TRPM3: variants seen among roughly 807,000 people sequenced by gnomAD.
The protein encoded by TRPM3 is transient receptor potential cation channel subfamily M member 3, also known as long transient receptor potential channel 3.
A neutral mutation model predicts 181.2 loss-of-function variants in TRPM3; 77 were observed. That is an observed-to-expected ratio of 0.42 (90% confidence interval 0.35 to 0.51). TRPM3 has a LOEUF of 0.51. Ranked by LOEUF, TRPM3 falls within the 20% of genes least tolerant of loss-of-function variation. The pLI is 0.01. For synonymous variants in TRPM3, 745 were observed against 796.4 expected, an observed-to-expected ratio of 0.94 and a Z score of 1.09; for missense variants, 1,759 against 2,196.7, an observed-to-expected ratio of 0.80 and a Z score of 3.98.
At chr9:71,390,438 T>C (rs990430761) in intron 1 of TRPM3, among the ~76,000 whole-genome samples, 1 of 152,026 alleles carries the variant, frequency 6.6e-6, no homozygotes, top group African/African-American at 2.4e-5. Flanking sequence ...CATTAGTTAC[T>C]CGCAAATGTT....
rs950647292 is a variant in TRPM3 at position 70,621,208 on chromosome 9, A to C, written c.1839+36T>G. On this transcript the variant is annotated intron_variant, in intron 15 of 25. Coordinates refer to ENST00000677713, the MANE Select transcript of TRPM3 (RefSeq NM_001366145.2). Reference sequence around the variant, plus strand: ...ATATATAATGGGTAATAAAGAGAATAAATCATTGACACTAATAATTTGGAC... The same window carrying C: ...ATATATAATGGGTAATAAAGAGAATCAATCATTGACACTAATAATTTGGAC... 14 of 1,532,822 alleles carry C rather than the reference A, an allele frequency of 9.1e-6. No individual in the cohort carries two copies. The African/African-American group carries it at 1.7e-4, about 18-fold the overall frequency. The allele number at this position is 1,532,822 out of a possible 1,614,324, so 95.0% of individuals were successfully genotyped here.
chr9:71,168,510 C>CTTT (rs386415035), intron 1 of TRPM3, among the ~76,000 whole-genome samples: 1,317 of 90,578 alleles, frequency 0.015, 69 homozygotes, highest in African/African-American at 0.025. Context: ...TGACATTTTT[C>CTTT]TTTTTTTTTT....
chr9:71,383,015 G>T (rs998581147), intron 1 of TRPM3, among the ~76,000 whole-genome samples: 17 of 152,120 alleles, frequency 1.1e-4, no homozygotes, highest in Non-Finnish European at 2.5e-4. Context: ...CTAGGCGGAT[G>T]CTGGATAAAT....
At chr9:71,176,694 G>C (rs1274392033) in intron 1 of TRPM3, among the ~76,000 whole-genome samples, 1 of 152,044 alleles carries the variant, frequency 6.6e-6, no homozygotes, top group African/African-American at 2.4e-5. Context: ...CTCACCCAGA[G>C]CAACTTCCAG....
At chr9:71,181,703 G>T (rs905108396) in intron 1 of TRPM3, among the ~76,000 whole-genome samples, 2 of 151,996 alleles carry the variant, frequency 1.3e-5, no homozygotes, top group African/African-American at 4.8e-5. Context: ...CTGTCCTTTA[G>T]CAACAGAGAG....
chr9:70,947,949 A>G (rs2096953476), intron 1 of TRPM3, among the ~76,000 whole-genome samples: 1 of 152,182 alleles, frequency 6.6e-6, no homozygotes, highest in Non-Finnish European at 1.5e-5. Flanking sequence ...AGTTACTATT[A>G]TAAGATGTAT....
chr9:71,326,563 G>T (rs1050597244), intron 1 of TRPM3, among the ~76,000 whole-genome samples: 12 of 152,192 alleles, frequency 7.9e-5, no homozygotes, highest in Admixed American at 7.9e-4. Context: ...CTCATAAAAT[G>T]CAACTGGTAC....
At chr9:71,379,355 A>G (rs2092739385) in intron 1 of TRPM3, among the ~76,000 whole-genome samples, 1 of 152,086 alleles carries the variant, frequency 6.6e-6, no homozygotes, top group Non-Finnish European at 1.5e-5. Context: ...GTGAAAGCAT[A>G]CATTAGTTTT....
intron 1 of TRPM3, among the ~76,000 whole-genome samples, chr9:71,208,454 T>A (rs866442767): frequency 2.0e-4 from 31 of 152,208 alleles, no homozygotes; most frequent in Non-Finnish European, 1.5e-5. Flanking sequence ...ATGGAAAATA[T>A]TCCTGCAGTG....
intron 1 of TRPM3, among the ~76,000 whole-genome samples, chr9:70,956,000 G>T (rs1318347366): frequency 6.6e-6 from 1 of 152,074 alleles, no homozygotes; most frequent in Non-Finnish European, 1.5e-5. Context: ...ATTAGTTAGT[G>T]GTCTCATACC....
chr9:71,115,035 C>T (rs1260371021), intron 1 of TRPM3, among the ~76,000 whole-genome samples: 1 of 152,176 alleles, frequency 6.6e-6, no homozygotes, highest in African/African-American at 2.4e-5. Context: ...GGCAGCTGAA[C>T]TCAATTTACT....
intron 1 of TRPM3, among the ~76,000 whole-genome samples, chr9:70,958,707 C>T (rs989342312): frequency 3.3e-5 from 5 of 152,112 alleles, no homozygotes; most frequent in Non-Finnish European, 5.9e-5. Context: ...CACATGCACA[C>T]GTATGTTTAT....
intron 22 of TRPM3, among the ~76,000 whole-genome samples, chr9:70,586,466 G>T (rs1200155778): frequency 6.6e-6 from 1 of 152,208 alleles, no homozygotes; most frequent in Non-Finnish European, 1.5e-5. Context: ...AAACAAGTCA[G>T]GTGGGTATTC....
At chr9:71,429,924 C>T (rs2093930858) in intron 1 of TRPM3, among the ~76,000 whole-genome samples, 2 of 152,030 alleles carry the variant, frequency 1.3e-5, no homozygotes, top group Admixed American at 6.6e-5. Flanking sequence ...CATGGAATGT[C>T]CTTTCCCTCA....
At chr9:70,602,994 G>A (rs969939158) in intron 20 of TRPM3, among the ~76,000 whole-genome samples, 1 of 152,180 alleles carries the variant, frequency 6.6e-6, no homozygotes, top group African/African-American at 2.4e-5. Flanking sequence ...GACTGTGTCC[G>A]AAGACACCCA....
chr9:71,162,506 T>C (rs948771062), intron 1 of TRPM3, among the ~76,000 whole-genome samples: 1 of 152,132 alleles, frequency 6.6e-6, no homozygotes, highest in African/African-American at 2.4e-5. Flanking sequence ...TTTACATATA[T>C]AGCTTCATGC....
chr9:70,751,308 A>T (rs2076096670), intron 8 of TRPM3, among the ~76,000 whole-genome samples: 1 of 152,170 alleles, frequency 6.6e-6, no homozygotes, highest in African/African-American at 2.4e-5. Context: ...AATGAAATGC[A>T]AGACAAAGCA....
At chr9:71,078,298 T>G (rs1056009649) in intron 1 of TRPM3, among the ~76,000 whole-genome samples, 1 of 152,172 alleles carries the variant, frequency 6.6e-6, no homozygotes, top group African/African-American at 2.4e-5. Context: ...TTCTCCTAGG[T>G]ATAATTTTAT....
At position 71,036,930 on chromosome 9, in the gene TRPM3, C is replaced by A. The variant is rs545360372; in HGVS notation, c.177+84248G>T. ...TAAATTATGTGATATTTTGGACAAC[C>A]CACTACAACATGATTGTAGGCATTT... On this transcript the variant is annotated intron_variant, in intron 1 of 25. Transcript: ENST00000677713. Among the ~76,000 whole-genome samples, 9 of 152,120 alleles carry A rather than the reference C, an allele frequency of 5.9e-5. 1 individual carries two copies. Among genetic ancestry groups the A allele is most frequent in the Admixed American group, 2.6e-4 (4 of 15,272 alleles).
Sources: gnomAD v4.1 joint callset for allele counts (sites outside exome capture counted in the v4.1 genomes callset) on GRCh38, gnomAD v4.1.1 for gene constraint, MANE v1.5 for transcripts, NCBI Gene and HGNC (gene_info 2026-07-23, HGNC 2026-07-21) for gene names.